VRK2: variants seen among roughly 807,000 people sequenced by gnomAD.
VRK2 encodes the protein VRK serine/threonine kinase 2, also known as serine/threonine-protein kinase VRK2.
In VRK2, 60 loss-of-function variants were observed where a neutral mutation model predicts 57.6. The ratio of observed to expected loss-of-function variants is 1.04; its 90% CI spans 0.85 to 1.29. The LOEUF (loss-of-function observed/expected upper bound fraction) is 1.29, where lower values mean the gene tolerates loss of function less well. Ranked by LOEUF, VRK2 falls within the 50% of genes most tolerant of loss-of-function variation. The pLI is 0.00. For synonymous variants in VRK2, 231 were observed against 199.2 expected (o/e 1.16, Z -1.35); for missense variants, 705 against 588.1 (o/e 1.20, Z -2.06).
chr2:58,073,267 G>A (rs1669603212), intron 2 of VRK2, among the ~76,000 whole-genome samples: 1 of 152,010 alleles, frequency 6.6e-6, no homozygotes, highest in Admixed American at 6.6e-5. Flanking sequence ...AGCTTGATAA[G>A]AATGTATATT....
intron 1 of VRK2, among the ~76,000 whole-genome samples, chr2:57,935,174 G>C (rs1288010912): frequency 6.6e-6 from 1 of 152,116 alleles, no homozygotes; most frequent in East Asian, 1.9e-4. Flanking sequence ...TGCTGTCTTT[G>C]CATTTGAGGA....
chr2:57,945,712 C>T (rs1013426216), intron 1 of VRK2, among the ~76,000 whole-genome samples: 1 of 152,148 alleles, frequency 6.6e-6, no homozygotes. Context: ...ATGTATACTC[C>T]TTACCAAGAA....
chr2:58,052,112 C>T (rs1276496762), intron 2 of VRK2, among the ~76,000 whole-genome samples: 1 of 152,084 alleles, frequency 6.6e-6, no homozygotes, highest in Non-Finnish European at 1.5e-5. Flanking sequence ...GAGGTTTTGG[C>T]ATTAGGCATA....
intron 1 of VRK2, among the ~76,000 whole-genome samples, chr2:58,019,856 C>G (rs529286774): frequency 3.9e-5 from 6 of 152,244 alleles, no homozygotes; most frequent in African/African-American, 1.2e-4. Context: ...AAACTATAAA[C>G]TTTCAACTTT....
At chr2:57,955,966 T>A (rs987188620) in intron 1 of VRK2, among the ~76,000 whole-genome samples, 5 of 152,220 alleles carry the variant, frequency 3.3e-5, no homozygotes, top group Non-Finnish European at 5.9e-5. Flanking sequence ...TCTAGAGAGA[T>A]GAATTTGGTT....
intron 7 of VRK2, among the ~76,000 whole-genome samples, chr2:58,104,934 G>C (rs930287565): frequency 8.6e-5 from 13 of 151,676 alleles, no homozygotes; most frequent in African/African-American, 3.1e-4. Flanking sequence ...ATTGTTGATA[G>C]AGTCAACAAA....
intron 1 of VRK2, among the ~76,000 whole-genome samples, chr2:57,991,644 A>G (rs547829368): frequency 1.4e-4 from 21 of 152,206 alleles, no homozygotes; most frequent in South Asian, 6.2e-4. Flanking sequence ...TCTAGGTTAG[A>G]CATCTTAAAA....
rs1403563989 is a variant in VRK2, at chr2:58,047,780, C to T, written c.-6+912C>T. Among the ~76,000 whole-genome samples the T allele has an allele frequency of 3.3e-5, 5 of 152,036 alleles. No homozygotes were observed. The South Asian group carries it at 6.2e-4, about 19-fold the overall frequency. ...GAAGGTGAATATTGTTAAAGATACA[C>T]GCAGCGACTCTACCTGGGACAATAC... On this transcript the variant is annotated intron_variant, in intron 1 of 12. Transcript: ENST00000340157.
intron 4 of VRK2, among the ~76,000 whole-genome samples, chr2:58,085,549 C>G (rs1437446177): frequency 6.6e-6 from 1 of 151,750 alleles, no homozygotes; most frequent in Admixed American, 6.6e-5. Context: ...TATAGATGGG[C>G]TAAGAAAAAC....
chr2:58,074,259 A>T (rs1373631851), intron 2 of VRK2, among the ~76,000 whole-genome samples: 1 of 151,904 alleles, frequency 6.6e-6, no homozygotes, highest in Non-Finnish European at 1.5e-5. Context: ...CTGTCTTTTA[A>T]TTGGTGTATT....
chr2:58,027,949 G>T (rs1673983908), intron 2 of VRK2, among the ~76,000 whole-genome samples: 1 of 152,194 alleles, frequency 6.6e-6, no homozygotes, highest in Non-Finnish European at 1.5e-5. Flanking sequence ...TTAGAAAAAT[G>T]TGACCAACAC....
intron 7 of VRK2, among the ~76,000 whole-genome samples, chr2:58,118,372 G>A (rs759419118): frequency 4.6e-5 from 7 of 152,238 alleles, no homozygotes; most frequent in Non-Finnish European, 1.0e-4. Context: ...CCCAGTCCGT[G>A]ACCGGCACCG....
At chr2:58,123,823 C>T (rs1206483464) in intron 8 of VRK2, among the ~76,000 whole-genome samples, 5 of 151,850 alleles carry the variant, frequency 3.3e-5, no homozygotes, top group Non-Finnish European at 5.9e-5. Flanking sequence ...CCACTGCTCC[C>T]CAACCTGGGC....
At chr2:58,093,516 T>G (rs1476449868) in intron 7 of VRK2, among the ~76,000 whole-genome samples, 3 of 151,960 alleles carry the variant, frequency 2.0e-5, no homozygotes, top group Non-Finnish European at 4.4e-5. Context: ...GGGTTGTTTG[T>G]TTTTTTCTTG....
At chr2:58,035,147 C>T (rs900445081) in intron 3 of VRK2, among the ~76,000 whole-genome samples, 8 of 152,008 alleles carry the variant, frequency 5.3e-5, no homozygotes, top group Admixed American at 5.2e-4. Flanking sequence ...ATCTGTATTA[C>T]TTTTAACAGA....
chr2:58,037,686 C>A (rs1356093149), intron 3 of VRK2, among the ~76,000 whole-genome samples: 1 of 152,070 alleles, frequency 6.6e-6, no homozygotes, highest in Non-Finnish European at 1.5e-5. Flanking sequence ...ATGCTAGGTT[C>A]TTTGCCATCT....
At chr2:58,136,388 AT>A (rs34101779) in intron 10 of VRK2, among the ~76,000 whole-genome samples, 12,758 of 142,534 alleles carry the variant, frequency 0.09, 516 homozygotes, top group South Asian at 0.14. Context: ...TCTTAATGGC[AT>A]TTTTTTTTTT....
chr2:58,044,376 T>C (rs546080110), upstream of VRK2, among the ~76,000 whole-genome samples: 1 of 152,338 alleles, frequency 6.6e-6, no homozygotes, highest in South Asian at 2.1e-4. Flanking sequence ...GGAATTGGAA[T>C]GGGGCCAGCA....
intron 12 of VRK2, among the ~76,000 whole-genome samples, chr2:58,155,277 G>A (rs527478605): frequency 6.6e-6 from 1 of 152,302 alleles, no homozygotes; most frequent in South Asian, 2.1e-4. Context: ...ATGCACAGCA[G>A]GCACGGTCAA....
Sources: gnomAD v4.1 joint callset for allele counts (sites outside exome capture counted in the v4.1 genomes callset) on GRCh38, gnomAD v4.1.1 for gene constraint, MANE v1.5 for transcripts, NCBI Gene and HGNC (gene_info 2026-07-23, HGNC 2026-07-21) for gene names.